The following IKZF3 variants were observed in gnomAD, a reference collection of about 807,000 sequenced individuals.
IKZF3 encodes the protein IKAROS family zinc finger 3.
A neutral mutation model predicts 49.0 loss-of-function variants in IKZF3; 10 were observed. The observed-to-expected ratio is 0.20, with a 90% CI of 0.13 to 0.35. IKZF3 has a LOEUF of 0.35. IKZF3 is among the 10% of genes least tolerant of loss of function. IKZF3 has a pLI of 1.00. For missense variants in IKZF3, 498 were observed against 664.8 expected, an observed-to-expected ratio of 0.75 and a Z score of 2.76; for synonymous variants, 209 against 228.2, an observed-to-expected ratio of 0.92 and a Z score of 0.76.
intron 1 of IKZF3, among the ~76,000 whole-genome samples, chr17:39,838,775 A>G (rs2062378010): frequency 6.6e-6 from 1 of 152,146 alleles, no homozygotes; most frequent in East Asian, 1.9e-4. Context: ...GACCTTGTGA[A>G]TGATATATTA....
intron 3 of IKZF3, among the ~76,000 whole-genome samples, chr17:39,801,961 T>C (rs930442032): frequency 2.0e-5 from 3 of 152,060 alleles, no homozygotes; most frequent in Non-Finnish European, 4.4e-5. Flanking sequence ...GCGCAGTGGT[T>C]CACGCCTGTA....
intron 1 of IKZF3, among the ~76,000 whole-genome samples, chr17:39,844,313 T>C (rs2062564978): frequency 6.6e-6 from 1 of 152,224 alleles, no homozygotes. Flanking sequence ...GGGTTAATTT[T>C]GTTGAAATAT....
intron 1 of IKZF3, among the ~76,000 whole-genome samples, chr17:39,842,640 CTGAGTACATTATTCA>C (rs1383449610): frequency 1.1e-4 from 16 of 152,060 alleles, no homozygotes; most frequent in African/African-American, 1.9e-4. Flanking sequence ...TGAGTACATT[CTGAGTACATTATTCA>C]TGAGTACATT....
At chr17:39,831,984 A>AAC (rs2062121141) in intron 2 of IKZF3, 114 bp downstream of exon 2, 2 of 731,502 alleles carry the variant, frequency 2.7e-6, no homozygotes, top group African/African-American at 1.8e-5. Context: ...TTTAAAAAAA[A>AAC]ACACACACAC....
chr17:39,817,910 A>G (rs1342552478), intron 3 of IKZF3, among the ~76,000 whole-genome samples: 1 of 152,168 alleles, frequency 6.6e-6, no homozygotes, highest in Non-Finnish European at 1.5e-5. Flanking sequence ...AGATGGTACC[A>G]AACCCTATAT....
chr17:39,786,836 C>T (rs2060887025), intron 6 of IKZF3, among the ~76,000 whole-genome samples: 1 of 152,026 alleles, frequency 6.6e-6, no homozygotes, highest in African/African-American at 2.4e-5. Context: ...TTTCCTTTAT[C>T]AAATTAGAAA....
chr17:39,851,993 T>C (rs993897590), intron 1 of IKZF3, among the ~76,000 whole-genome samples: 2 of 152,172 alleles, frequency 1.3e-5, no homozygotes, highest in Non-Finnish European at 2.9e-5. Context: ...GCTCCATATA[T>C]AGCTTAAAAC....
At chr17:39,767,024 A>C (rs1374388113) in intron 7 of IKZF3, among the ~76,000 whole-genome samples, 1 of 152,178 alleles carries the variant, frequency 6.6e-6, no homozygotes, top group Non-Finnish European at 1.5e-5. Flanking sequence ...TTAAATAGCT[A>C]CAGAGATAGA....
chr17:39,847,216 C>T (rs920445956), intron 1 of IKZF3, among the ~76,000 whole-genome samples: 1 of 152,130 alleles, frequency 6.6e-6, no homozygotes, highest in African/African-American at 2.4e-5. Context: ...CTCCGTATCA[C>T]CATCATATAT....
chr17:39,836,748 A>G (rs1440318958), intron 1 of IKZF3, among the ~76,000 whole-genome samples: 1 of 152,150 alleles, frequency 6.6e-6, no homozygotes. Flanking sequence ...AAAGCTTGCA[A>G]CCATTTAGGC....
chr17:39,806,742 C>T (rs899298473), intron 3 of IKZF3, among the ~76,000 whole-genome samples: 2 of 152,150 alleles, frequency 1.3e-5, no homozygotes, highest in Admixed American at 1.3e-4. Flanking sequence ...TATTCCCCTC[C>T]AGTGTGGGCT....
chr17:39,840,279 C>T (rs146942494), intron 1 of IKZF3, among the ~76,000 whole-genome samples: 7 of 152,338 alleles, frequency 4.6e-5, no homozygotes, highest in Middle Eastern at 3.4e-3. Flanking sequence ...TGTCTCCCTT[C>T]ACTTCCCAGT....
At chr17:39,784,081 T>C (rs769586770) in intron 6 of IKZF3, among the ~76,000 whole-genome samples, 1 of 152,242 alleles carries the variant, frequency 6.6e-6, no homozygotes, top group Non-Finnish European at 1.5e-5. Context: ...CTATTGAAGA[T>C]GAAAAGTTTG....
At chr17:39,791,148 CA>C (rs1178621849) in intron 5 of IKZF3, among the ~76,000 whole-genome samples, 1 of 152,042 alleles carries the variant, frequency 6.6e-6, no homozygotes, top group African/African-American at 2.4e-5. Flanking sequence ...ATTAAAAGGA[CA>C]TTTTTTATAG....
At chr17:39,792,966 G>A (rs747093639) in intron 3 of IKZF3, 33 bp from the exon 4 acceptor site, 7 of 1,602,360 alleles carry the variant, frequency 4.4e-6, no homozygotes, top group Admixed American at 1.7e-5. Context: ...AATGAACAAC[G>A]ACTATACTTG....
intron 1 of IKZF3, among the ~76,000 whole-genome samples, chr17:39,833,653 T>A (rs1312109071): frequency 1.3e-5 from 2 of 152,246 alleles, no homozygotes; most frequent in Non-Finnish European, 2.9e-5. Context: ...CCAGTTTGTT[T>A]ATCCATTCTC....
At chr17:39,813,910 C>T (rs1027200314) in intron 3 of IKZF3, among the ~76,000 whole-genome samples, 1 of 152,224 alleles carries the variant, frequency 6.6e-6, no homozygotes, top group Non-Finnish European at 1.5e-5. Flanking sequence ...AGCAGTACCG[C>T]GGGAGCCTCA....
chr17:39,847,431 A>G (rs2062667346), intron 1 of IKZF3, among the ~76,000 whole-genome samples: 1 of 152,168 alleles, frequency 6.6e-6, no homozygotes, highest in Non-Finnish European at 1.5e-5. Flanking sequence ...CGAATAATAC[A>G]GAAGTTATTC....
intron 1 of IKZF3, chr17:39,839,501 C>G (rs2062402875): frequency 1.8e-6 from 1 of 567,258 alleles, no homozygotes; most frequent in African/African-American, 1.9e-5. Flanking sequence ...ATCACTTAAT[C>G]CTGAAAGTCT....
Sources: gnomAD v4.1 joint callset for allele counts (sites outside exome capture counted in the v4.1 genomes callset) on GRCh38, gnomAD v4.1.1 for gene constraint, MANE v1.5 for transcripts, NCBI Gene and HGNC (gene_info 2026-07-23, HGNC 2026-07-21) for gene names.